KCNH7: variants seen among roughly 807,000 people sequenced by gnomAD.
KCNH7 encodes the protein potassium voltage-gated channel subfamily H member 7.
In KCNH7, 49 loss-of-function variants were observed where a neutral mutation model predicts 120.8. The ratio of observed to expected loss-of-function variants is 0.41; its 90% CI spans 0.32 to 0.51. The LOEUF (loss-of-function observed/expected upper bound fraction) is 0.51, where lower values mean the gene tolerates loss of function less well. Ranked by LOEUF, KCNH7 falls within the 20% of genes least tolerant of loss-of-function variation. The probability of loss-of-function intolerance (pLI) is 0.38; values close to 1 mark genes in which losing one functional copy is unlikely to be tolerated. For missense variants in KCNH7, 1,097 were observed against 1,446.6 expected, an observed-to-expected ratio of 0.76 and a Z score of 3.92; for synonymous variants, 547 against 516.1, an observed-to-expected ratio of 1.06 and a Z score of -0.81.
chr2:162,692,036 C>A (rs542909659), intron 2 of KCNH7, among the ~76,000 whole-genome samples: 2 of 151,888 alleles, frequency 1.3e-5, no homozygotes, highest in African/African-American at 2.4e-5. Context: ...TTTAGTTCTG[C>A]AAATATGATA....
At chr2:162,534,770 T>G (rs1240512785) in intron 3 of KCNH7, among the ~76,000 whole-genome samples, 1 of 151,680 alleles carries the variant, frequency 6.6e-6, no homozygotes, top group Non-Finnish European at 1.5e-5. Flanking sequence ...AATTATAATA[T>G]TGATACCAAC....
chr2:162,801,445 C>A (rs1684345811), intron 2 of KCNH7, among the ~76,000 whole-genome samples: 1 of 151,622 alleles, frequency 6.6e-6, no homozygotes, highest in South Asian at 2.1e-4. Flanking sequence ...TTCCTTTTTA[C>A]CATTTTTGGA....
intron 8 of KCNH7, among the ~76,000 whole-genome samples, chr2:162,429,370 AT>A (rs1687980031): frequency 8.8e-6 from 1 of 113,760 alleles, no homozygotes; most frequent in Admixed American, 9.3e-5. Flanking sequence ...ACATTTAGAA[AT>A]GAGGAAAAAG....
intron 6 of KCNH7, among the ~76,000 whole-genome samples, chr2:162,492,284 C>T (rs1338809342): frequency 3.3e-5 from 5 of 152,216 alleles, no homozygotes; most frequent in Non-Finnish European, 7.3e-5. Context: ...AGAACGTGGG[C>T]CTAGTCTCCC....
At chr2:162,434,743 A>G (rs1688182640) in intron 8 of KCNH7, among the ~76,000 whole-genome samples, 1 of 151,956 alleles carries the variant, frequency 6.6e-6, no homozygotes, top group Non-Finnish European at 1.5e-5. Flanking sequence ...ACATATGTAT[A>G]TGAAAGATCA....
At chr2:162,615,718 C>A (rs1683120365) in intron 2 of KCNH7, among the ~76,000 whole-genome samples, 1 of 151,978 alleles carries the variant, frequency 6.6e-6, no homozygotes, top group South Asian at 2.1e-4. Flanking sequence ...GGTGGTAAAA[C>A]AATGAGGTTA....
rs376228076 is a variant in KCNH7, at chr2:162,437,734, T to C, written c.1555-2137A>G. 2.3e-4 allele frequency among the ~76,000 whole-genome samples: 35 copies of C among 152,176 alleles called. 1 individual carries two copies. Among genetic ancestry groups the C allele is most frequent in the African/African-American group, 7.5e-4 (31 of 41,466 alleles). ...TCTATGTTTCTATTTAAACATCCTT[T>C]ACATTTTTCTTTCCATCAATAAGCA... On this transcript the variant is annotated intron_variant, in intron 7 of 15. Transcript: ENST00000332142.
intron 2 of KCNH7, among the ~76,000 whole-genome samples, chr2:162,592,307 A>G: frequency 6.6e-6 from 1 of 152,080 alleles, no homozygotes; most frequent in East Asian, 1.9e-4. Flanking sequence ...AGTATTTAAT[A>G]TATCGCCAAG....
At position 162,523,505 on chromosome 2, in the gene KCNH7, A is replaced by C. The variant is rs187186152; in HGVS notation, c.464-5347T>G. Among the ~76,000 whole-genome samples the C allele has an allele frequency of 3.1e-4, 47 of 151,912 alleles. 1 individual carries two copies. The highest frequency in any genetic ancestry group is 1.1e-3 in the African/African-American group (45 of 41,520). On this transcript the variant is annotated intron_variant, in intron 3 of 15. Transcript: ENST00000332142. ...TTTACTAAACTTTTCCAGTTTGAGA[A>C]GACCTCATCCATCTGCTGCTACTAT...
chr2:162,582,637 A>G (rs1484170160), intron 2 of KCNH7, among the ~76,000 whole-genome samples: 1 of 152,098 alleles, frequency 6.6e-6, no homozygotes, highest in African/African-American at 2.4e-5. Context: ...TTGCCTTGGC[A>G]CTGTGAGACG....
chr2:162,512,624 C>T, intron 5 of KCNH7, 30 bp downstream of exon 5: 1 of 1,603,970 alleles, frequency 6.2e-7, no homozygotes, highest in Non-Finnish European at 8.5e-7. Context: ...GGTTGAACAT[C>T]AGATGGTGAA....
At chr2:162,752,496 A>C (rs574114453) in intron 2 of KCNH7, among the ~76,000 whole-genome samples, 1 of 152,292 alleles carries the variant, frequency 6.6e-6, no homozygotes, top group African/African-American at 2.4e-5. Flanking sequence ...TAATTAAGTC[A>C]ATTCATTTCC....
At chr2:162,615,140 T>G (rs1480932256) in intron 2 of KCNH7, among the ~76,000 whole-genome samples, 2 of 152,196 alleles carry the variant, frequency 1.3e-5, no homozygotes, top group African/African-American at 2.4e-5. Context: ...TGGTTTTCAT[T>G]CACTCGAACA....
chr2:162,424,269 T>C (rs1243100444), intron 8 of KCNH7, among the ~76,000 whole-genome samples: 8 of 152,212 alleles, frequency 5.3e-5, no homozygotes, highest in African/African-American at 1.9e-4. Context: ...CGCTATGAGA[T>C]CCCTTGCAAC....
At chr2:162,528,005 T>C (rs1030573808) in intron 3 of KCNH7, 3 of 151,980 alleles carry the variant, frequency 2.0e-5, no homozygotes, top group Non-Finnish European at 4.4e-5. Context: ...GTTGTTCTGG[T>C]GTAGGGCCCA....
intron 12 of KCNH7, among the ~76,000 whole-genome samples, chr2:162,385,924 TA>T (rs775598853): frequency 2.6e-5 from 4 of 151,896 alleles, no homozygotes; most frequent in South Asian, 2.1e-4. Context: ...TTTTTCCCTT[TA>T]TTTTTTTAAA....
intron 15 of KCNH7, among the ~76,000 whole-genome samples, chr2:162,372,776 T>A (rs1576313671): frequency 1.3e-5 from 2 of 152,148 alleles, no homozygotes; most frequent in Admixed American, 1.3e-4. Flanking sequence ...CCATAATGTT[T>A]AACTAATTAA....
At chr2:162,429,868 A>G (rs1688008430) in intron 8 of KCNH7, among the ~76,000 whole-genome samples, 1 of 151,706 alleles carries the variant, frequency 6.6e-6, no homozygotes, top group South Asian at 2.1e-4. Context: ...TCTATCATTA[A>G]AAAAACAGAT....
At chr2:162,557,551 A>C (rs2105870944) in intron 2 of KCNH7, among the ~76,000 whole-genome samples, 1 of 152,300 alleles carries the variant, frequency 6.6e-6, no homozygotes, top group South Asian at 2.1e-4. Context: ...TGTCTTTGGA[A>C]AATGCAACTG....
Sources: gnomAD v4.1 joint callset for allele counts (sites outside exome capture counted in the v4.1 genomes callset) on GRCh38, gnomAD v4.1.1 for gene constraint, MANE v1.5 for transcripts, NCBI Gene and HGNC (gene_info 2026-07-23, HGNC 2026-07-21) for gene names.